Variants in GTF2IRD1 observed in about 807,000 individuals in gnomAD.
GTF2IRD1 encodes GTF2I repeat domain containing 1.
GTF2IRD1 carries 26 observed loss-of-function variants against 113.2 expected under a neutral mutation model. The ratio of observed to expected loss-of-function variants is 0.23; its 90% CI spans 0.17 to 0.32. The LOEUF is 0.32. GTF2IRD1 is among the 10% of genes least tolerant of loss of function. The pLI is 1.00. For missense variants in GTF2IRD1, 864 were observed against 1,280.8 expected, an observed-to-expected ratio of 0.67 and a Z score of 4.97; for synonymous variants, 484 against 529.1, an observed-to-expected ratio of 0.91 and a Z score of 1.17.
intron 17 of GTF2IRD1, among the ~76,000 whole-genome samples, chr7:74,548,403 C>T (rs1433529459): frequency 6.7e-6 from 1 of 149,380 alleles, no homozygotes; most frequent in Non-Finnish European, 1.5e-5. Context: ...GTCTGGGCAA[C>T]AGAGCGAGAC....
At chr7:74,461,606 T>C (rs1793368708) in intron 1 of GTF2IRD1, among the ~76,000 whole-genome samples, 1 of 151,910 alleles carries the variant, frequency 6.6e-6, no homozygotes, top group Non-Finnish European at 1.5e-5. Context: ...TAAGATGGAG[T>C]CTCACTCTGT....
At chr7:74,534,455 AG>A (rs1257513656) in intron 9 of GTF2IRD1, among the ~76,000 whole-genome samples, 3 of 152,084 alleles carry the variant, frequency 2.0e-5, no homozygotes, top group Non-Finnish European at 2.9e-5. Flanking sequence ...TACAGAAATT[AG>A]CTGGGTGTGG....
In GTF2IRD1 at chr7:74,602,569, C is replaced by T; in HGVS notation, c.*136C>T. 1 of 520,142 alleles carries T rather than the reference C, an allele frequency of 1.9e-6. No homozygotes were observed. The highest frequency in any genetic ancestry group is 3.2e-6 in the Non-Finnish European group (1 of 316,690). The allele number at this position is 520,142 out of a possible 1,614,324, so 32.2% of individuals were successfully genotyped here. A position where few individuals can be genotyped will look rare whatever the true frequency, so the allele number is the denominator to read the frequency against. On this transcript the variant is annotated 3_prime_UTR_variant, in exon 27 of 27. Transcript: ENST00000424337. ...TTACACTATATTCCTGCCACCAAGG[C>T]CTTTTTAAATAAGTAAAAAAAGAAA...
At chr7:74,590,683 G>GC in intron 23 of GTF2IRD1, 142 bp from the exon 24 acceptor site, 1 of 501,590 alleles carries the variant, frequency 2.0e-6, no homozygotes, top group Non-Finnish European at 3.5e-6. Context: ...GAGCCACTGC[G>GC]CCCCACCAGG....
chr7:74,528,801 G>GAGT (rs1797765026), intron 8 of GTF2IRD1, among the ~76,000 whole-genome samples: 1 of 136,428 alleles, frequency 7.3e-6, no homozygotes, highest in Non-Finnish European at 1.6e-5. Flanking sequence ...GTGGGTGGGT[G>GAGT]GGTGGATGGA....
intron 24 of GTF2IRD1, among the ~76,000 whole-genome samples, chr7:74,592,989 C>T (rs1554370329): frequency 6.6e-6 from 1 of 151,738 alleles, no homozygotes; most frequent in African/African-American, 2.4e-5. Flanking sequence ...TCCCAAATAG[C>T]TGGGATCACA....
intron 8 of GTF2IRD1, among the ~76,000 whole-genome samples, chr7:74,526,620 G>C (rs1797614196): frequency 6.6e-6 from 1 of 152,198 alleles, no homozygotes; most frequent in African/African-American, 2.4e-5. Context: ...CATGAAGGCA[G>C]CCCCTTCCCA....
chr7:74,534,678 A>G (rs1263770017), intron 9 of GTF2IRD1, among the ~76,000 whole-genome samples: 6 of 152,074 alleles, frequency 3.9e-5, no homozygotes, highest in South Asian at 4.2e-4. Context: ...GCGCCACTGC[A>G]CTCCAGCCTG....
At chr7:74,506,694 C>G (rs1054909356) in intron 1 of GTF2IRD1, 3 of 152,112 alleles carry the variant, frequency 2.0e-5, no homozygotes, top group African/African-American at 7.2e-5. Flanking sequence ...ACTGGGGCAG[C>G]CTGTGGGTGC....
Position 74,545,522 on chromosome 7 carries a change from C to T in GTF2IRD1, c.1667-222C>T, listed in dbSNP as rs116287950. Among the ~76,000 whole-genome samples, 902 of 152,216 alleles carry T rather than the reference C, an allele frequency of 5.9e-3. 11 individuals are homozygous for T. The highest frequency in any genetic ancestry group is 0.02 in the African/African-American group (841 of 41,518). On this transcript the variant is annotated intron_variant, in intron 15 of 26. Transcript: ENST00000424337. ...CCTTCCAAATCTTCATTCAGGCTGG[C>T]GGTGCCCTAGATTTGATTTCGCAAA...
intron 17 of GTF2IRD1, among the ~76,000 whole-genome samples, chr7:74,554,901 G>T (rs1481765666): frequency 1.3e-5 from 2 of 152,120 alleles, no homozygotes; most frequent in Admixed American, 6.6e-5. Flanking sequence ...CCAATCCCAG[G>T]CAGTGACAAT....
chr7:74,515,652 C>T, intron 4 of GTF2IRD1, 56 bp downstream of exon 4: 2 of 1,533,548 alleles, frequency 1.3e-6, no homozygotes, highest in South Asian at 2.5e-5. Flanking sequence ...AGCCTCGGTC[C>T]CCACCCAGCA....
chr7:74,530,377 TGA>T (rs782616291), intron 9 of GTF2IRD1, among the ~76,000 whole-genome samples: 2 of 152,114 alleles, frequency 1.3e-5, no homozygotes, highest in African/African-American at 4.8e-5. Flanking sequence ...AAGACGAGTC[TGA>T]GAGAGAATTC....
chr7:74,475,614 G>A (rs1045655886), intron 1 of GTF2IRD1, among the ~76,000 whole-genome samples: 1 of 152,174 alleles, frequency 6.6e-6, no homozygotes, highest in Non-Finnish European at 1.5e-5. Context: ...GGGAGGGGCC[G>A]CTTCATGAAA....
intron 25 of GTF2IRD1, among the ~76,000 whole-genome samples, chr7:74,599,820 G>A (rs1007489787): frequency 2.0e-5 from 3 of 152,052 alleles, no homozygotes; most frequent in Non-Finnish European, 4.4e-5. Flanking sequence ...ACTGCGCCTG[G>A]CCCCAGGTCC....
At chr7:74,463,328 T>G (rs756893551) in intron 1 of GTF2IRD1, among the ~76,000 whole-genome samples, 5 of 151,996 alleles carry the variant, frequency 3.3e-5, no homozygotes, top group Non-Finnish European at 5.9e-5. Flanking sequence ...CTTGAACTCC[T>G]AGGCTCAAGT....
intron 11 of GTF2IRD1, among the ~76,000 whole-genome samples, 197 bp downstream of exon 11, chr7:74,536,472 C>T (rs1562846976): frequency 1.3e-5 from 2 of 152,180 alleles, no homozygotes. Flanking sequence ...CTCTCCCGCC[C>T]CCAACATCTA....
chr7:74,553,935 C>T (rs1349327037), intron 17 of GTF2IRD1, among the ~76,000 whole-genome samples: 3 of 152,202 alleles, frequency 2.0e-5, no homozygotes, highest in African/African-American at 7.2e-5. Flanking sequence ...TATGCTTCCC[C>T]TCCCAGCCCT....
At chr7:74,599,948 C>A (rs970600673) in intron 25 of GTF2IRD1, among the ~76,000 whole-genome samples, 5 of 152,124 alleles carry the variant, frequency 3.3e-5, no homozygotes, top group Non-Finnish European at 5.9e-5. Flanking sequence ...AAGAATGTGG[C>A]CTCCGGAGCC....
Sources: allele counts gnomAD v4.1 joint callset (sites outside exome capture counted in the v4.1 genomes callset), GRCh38; gene constraint gnomAD v4.1.1; transcripts MANE v1.5; gene names NCBI Gene and HGNC (gene_info 2026-07-23, HGNC 2026-07-21).